CLSTN2: variants seen among roughly 807,000 people sequenced by gnomAD.
CLSTN2 encodes calsyntenin 2.
Under a neutral mutation model 101.2 loss-of-function variants are expected in CLSTN2, and 48 were observed. The observed-to-expected ratio is 0.47, with a 90% CI of 0.38 to 0.60. The LOEUF (loss-of-function observed/expected upper bound fraction) is 0.60. CLSTN2 is among the 20% of genes least tolerant of loss of function. The probability of loss-of-function intolerance (pLI) is 0.00; values close to 1 mark genes in which losing one functional copy is unlikely to be tolerated. For synonymous variants in CLSTN2, 481 were observed against 463.6 expected (o/e 1.04, Z -0.48); for missense variants, 1,160 against 1,238.2 (o/e 0.94, Z 0.95).
chr3:140,273,189 C>T (rs2086760483), intron 2 of CLSTN2, among the ~76,000 whole-genome samples: 1 of 151,766 alleles, frequency 6.6e-6, no homozygotes, highest in Non-Finnish European at 1.5e-5. Context: ...TTCATTATCA[C>T]AACACATACC....
At chr3:140,314,512 T>C (rs1181967838) in intron 2 of CLSTN2, among the ~76,000 whole-genome samples, 2 of 152,192 alleles carry the variant, frequency 1.3e-5, no homozygotes, top group Non-Finnish European at 2.9e-5. Flanking sequence ...CTCATGGGAC[T>C]TCTGGAGTGG....
At chr3:140,518,124 A>G (rs1315179571) in intron 8 of CLSTN2, among the ~76,000 whole-genome samples, 2 of 152,140 alleles carry the variant, frequency 1.3e-5, no homozygotes, top group Admixed American at 6.5e-5. Flanking sequence ...ATGTAGCCCA[A>G]AAGGCCAGTC....
At chr3:140,450,264 T>A (rs1003180431) in intron 6 of CLSTN2, among the ~76,000 whole-genome samples, 1 of 152,204 alleles carries the variant, frequency 6.6e-6, no homozygotes, top group African/African-American at 2.4e-5. Flanking sequence ...TGAAAGTAAG[T>A]CTGTCTAAAT....
At position 140,448,622 on chromosome 3, in the gene CLSTN2, C is replaced by A. The variant is rs759270211; in HGVS notation, c.891C>A (p.Ile297=). 6.2e-7 allele frequency: 1 copy of A among 1,614,112 alleles called. No individual in the cohort carries two copies. Among genetic ancestry groups the A allele is most frequent in the East Asian group, 2.2e-5 (1 of 44,878 alleles). Reference sequence around the variant, plus strand: ...ATGGAGCCGTGTCTTCCCTCCAGATCGTCACAGAGCTGCAGACTAATTACA... The same window carrying A: ...ATGGAGCCGTGTCTTCCCTCCAGATAGTCACAGAGCTGCAGACTAATTACA... ...TCDGAVSSLQ[I]VTELQTNYIG... is the part of the protein sequence containing the mutation. The change falls in exon 6 of 17, where the codon ATC becomes ATA. Residue 297 remains isoleucine, a synonymous_variant. Transcript: ENST00000458420.
At chr3:140,377,183 T>C (rs2087926637) in intron 2 of CLSTN2, among the ~76,000 whole-genome samples, 1 of 152,220 alleles carries the variant, frequency 6.6e-6, no homozygotes, top group South Asian at 2.1e-4. Context: ...CTCATATCAT[T>C]GCACATTACT....
chr3:140,108,010 G>C (rs540127214), intron 1 of CLSTN2, among the ~76,000 whole-genome samples: 4 of 152,312 alleles, frequency 2.6e-5, no homozygotes, highest in Admixed American at 2.6e-4. Context: ...CATTGTGCCA[G>C]AGCAATGAGT....
At chr3:140,032,332 C>CTTTTT (rs982523156) in intron 1 of CLSTN2, among the ~76,000 whole-genome samples, 3 of 120,386 alleles carry the variant, frequency 2.5e-5, no homozygotes, top group Non-Finnish European at 3.5e-5. Flanking sequence ...CTAACAAGTA[C>CTTTTT]TTTTTTTTTT....
intron 8 of CLSTN2, among the ~76,000 whole-genome samples, chr3:140,484,948 C>T (rs1318018213): frequency 1.3e-5 from 2 of 152,180 alleles, no homozygotes; most frequent in South Asian, 4.1e-4. Flanking sequence ...CTGAAGCCTT[C>T]TCCTCTGAAC....
intron 1 of CLSTN2, among the ~76,000 whole-genome samples, chr3:140,148,054 T>A (rs567704568): frequency 6.6e-6 from 1 of 152,252 alleles, no homozygotes; most frequent in Non-Finnish European, 1.5e-5. Context: ...ATGGCTGAAA[T>A]GGAAAGGGTG....
chr3:140,453,150 G>T (rs555014950), intron 6 of CLSTN2: 2 of 152,126 alleles, frequency 1.3e-5, no homozygotes, highest in Non-Finnish European at 2.9e-5. Context: ...TATGCCCTTG[G>T]TGGTGCGAGG....
intron 1 of CLSTN2, among the ~76,000 whole-genome samples, chr3:140,166,850 G>C (rs1213695472): frequency 6.6e-6 from 1 of 152,202 alleles, no homozygotes; most frequent in Non-Finnish European, 1.5e-5. Flanking sequence ...ATATGACACA[G>C]CTCAGCCTCC....
At chr3:140,144,035 A>C (rs2350281) in intron 1 of CLSTN2, among the ~76,000 whole-genome samples, 135,142 of 152,276 alleles carry the variant, frequency 0.89, 60,170 homozygotes, top group African/African-American at 0.95. Context: ...CAAGATCATC[A>C]TTTCCAGGCT....
chr3:139,972,271 A>G (rs538338145), intron 1 of CLSTN2, among the ~76,000 whole-genome samples: 137 of 152,228 alleles, frequency 9.0e-4, no homozygotes, highest in African/African-American at 3.1e-3. Flanking sequence ...CTCAAAAAAA[A>G]AAAAGTTTGA....
chr3:140,341,766 CT>C (rs2087495761), intron 2 of CLSTN2, among the ~76,000 whole-genome samples: 1 of 152,184 alleles, frequency 6.6e-6, no homozygotes, highest in Non-Finnish European at 1.5e-5. Context: ...AATTAGATAG[CT>C]TTTACTACAG....
chr3:140,023,301 GA>G (rs1485455086), intron 1 of CLSTN2, among the ~76,000 whole-genome samples: 1 of 152,130 alleles, frequency 6.6e-6, no homozygotes, highest in African/African-American at 2.4e-5. Flanking sequence ...CTGAGATAAG[GA>G]GCGCGCAAAC....
chr3:140,104,434 G>C (rs2009019138), intron 1 of CLSTN2, among the ~76,000 whole-genome samples: 1 of 152,220 alleles, frequency 6.6e-6, no homozygotes, highest in East Asian at 1.9e-4. Context: ...ACTAAGCAAT[G>C]CTCGGCTAAG....
At chr3:140,053,330 T>C (rs1332328424) in intron 1 of CLSTN2, among the ~76,000 whole-genome samples, 1 of 152,172 alleles carries the variant, frequency 6.6e-6, no homozygotes, top group Admixed American at 6.5e-5. Flanking sequence ...ACACCGTAAA[T>C]TTTATTAGAG....
At chr3:140,427,199 A>ATGTGTGTGTGTG (rs1337143037) in intron 5 of CLSTN2, among the ~76,000 whole-genome samples, 19 of 74,892 alleles carry the variant, frequency 2.5e-4, no homozygotes, top group African/African-American at 1.5e-3. Context: ...ATATATATAT[A>ATGTGTGTGTGTG]TATATGTGTA....
chr3:140,335,047 G>A (rs947661093), intron 2 of CLSTN2, among the ~76,000 whole-genome samples: 23 of 152,212 alleles, frequency 1.5e-4, no homozygotes, highest in East Asian at 1.9e-4. Flanking sequence ...TTAAGGGAGC[G>A]ACTGGATCCT....
Sources: gnomAD v4.1 joint callset for allele counts (sites outside exome capture counted in the v4.1 genomes callset) on GRCh38, gnomAD v4.1.1 for gene constraint, MANE v1.5 for transcripts, NCBI Gene and HGNC (gene_info 2026-07-23, HGNC 2026-07-21) for gene names.